HLA-DQA2: variants seen among roughly 807,000 people sequenced by gnomAD.
HLA-DQA2 encodes major histocompatibility complex, class II, DQ alpha 2.
In HLA-DQA2, 17 loss-of-function variants were observed where a neutral mutation model predicts 21.0. That is an observed-to-expected ratio of 0.81 (90% CI 0.56 to 1.22). The LOEUF is 1.22. Ranked by LOEUF, HLA-DQA2 falls within the 50% of genes most tolerant of loss-of-function variation. The pLI, the probability that HLA-DQA2 is intolerant of heterozygous loss-of-function variation, is 0.00. For missense variants in HLA-DQA2, 239 were observed against 308.8 expected (o/e 0.77, Z 1.69); for synonymous variants, 81 against 116.5 (o/e 0.70, Z 1.96).
intron 4 of HLA-DQA2, 42 bp from the exon 5 acceptor site, chr6:32,746,540 A>T: frequency 9.4e-7 from 1 of 1,066,746 alleles, no homozygotes; most frequent in Non-Finnish European, 1.4e-6. Context: ...ATCACACAGG[A>T]GGCCCCTCAG....
At chr6:32,743,078 G>A (rs9276423) in intron 1 of HLA-DQA2, among the ~76,000 whole-genome samples, 82,120 of 149,098 alleles carry the variant, frequency 0.55, 23,232 homozygotes, top group East Asian at 0.7. Flanking sequence ...TGTTAGCCAG[G>A]ATGGTCTCGA....
chr6:32,742,905 G>A (rs1562183204), intron 1 of HLA-DQA2, among the ~76,000 whole-genome samples: 1 of 142,450 alleles, frequency 7.0e-6, no homozygotes, highest in African/African-American at 2.6e-5. Flanking sequence ...TCGCTCTGTC[G>A]CCCAGGCTGG....
At chr6:32,742,128 A>C (rs1466867684) in intron 1 of HLA-DQA2, among the ~76,000 whole-genome samples, 1 of 152,100 alleles carries the variant, frequency 6.6e-6, no homozygotes, top group Admixed American at 6.5e-5. Flanking sequence ...CATATATGTC[A>C]CCTCGCTTAT....
chr6:32,742,369 T>C (rs1287444459), intron 1 of HLA-DQA2, among the ~76,000 whole-genome samples: 1 of 133,996 alleles, frequency 7.5e-6, no homozygotes, highest in Non-Finnish European at 1.6e-5. Context: ...AATGAAGTCT[T>C]ATAAAGAGAA....
chr6:32,742,175 A>G (rs1763254409), intron 1 of HLA-DQA2, among the ~76,000 whole-genome samples: 1 of 152,254 alleles, frequency 6.6e-6, no homozygotes, highest in African/African-American at 2.4e-5. Context: ...TGCTTTATGA[A>G]TAGTAAAAAC....
In HLA-DQA2 at chr6:32,746,570, G is replaced by A. The variant is rs1460041614; in HGVS notation, c.*21-12G>A. On this transcript the variant is annotated splice_polypyrimidine_tract_variant and intron_variant, in intron 4 of 4. Transcript: ENST00000374940. ...CCTCAGACCCATCGATCTCATGTCT[G>A]TCCTGTTGCAGGTGCATCACCATCT... 1.2e-6 allele frequency: 1 copy of A among 825,786 alleles called. No homozygotes were observed. The highest frequency in any genetic ancestry group is 1.7e-5 in the African/African-American group (1 of 59,736). The allele number at this position is 825,786 out of a possible 1,614,324, so 51.2% of individuals were successfully genotyped here. A position where few individuals can be genotyped will look rare whatever the true frequency, so the allele number is the denominator to read the frequency against.
intron 1 of HLA-DQA2, 74 bp downstream of exon 1, chr6:32,741,599 G>A (rs1236300699): frequency 3.4e-5 from 46 of 1,359,924 alleles, no homozygotes; most frequent in Non-Finnish European, 4.8e-5. Context: ...AGTGTAATTT[G>A]CTAAGAAATA....
At chr6:32,741,647 T>C (rs1018356089) in intron 1 of HLA-DQA2, 122 bp downstream of exon 1, 10 of 850,290 alleles carry the variant, frequency 1.2e-5, no homozygotes, top group African/African-American at 1.8e-5. Context: ...TATTAAGAAA[T>C]TTTAAAATTA....
intron 1 of HLA-DQA2, among the ~76,000 whole-genome samples, chr6:32,744,712 C>T (rs1254022173): frequency 6.6e-6 from 1 of 151,094 alleles, no homozygotes; most frequent in Non-Finnish European, 1.5e-5. Flanking sequence ...AGAAAGTGTC[C>T]TGTTCTGATC....
intron 1 of HLA-DQA2, among the ~76,000 whole-genome samples, chr6:32,743,510 G>A (rs531407930): frequency 6.6e-6 from 1 of 152,276 alleles, no homozygotes; most frequent in African/African-American, 2.4e-5. Flanking sequence ...ACAGTATGGG[G>A]CACAGGAAAG....
In HLA-DQA2 at chr6:32,746,919, A is replaced by G. The variant is rs939546411; in HGVS notation, c.*358A>G. The G allele has an allele frequency of 3.0e-6, 1 of 334,828 alleles. No homozygotes were observed. Among genetic ancestry groups the G allele is most frequent in the Non-Finnish European group, 5.9e-6 (1 of 169,690 alleles). The allele number at this position is 334,828 out of a possible 1,614,324, so 20.7% of individuals were successfully genotyped here. ...CTCTATTGAATTTTTCCCATCTTTC[A>G]TCTCAGGGCTGACTGAGAGCATAAC... On this transcript the variant is annotated 3_prime_UTR_variant, in exon 5 of 5. Coordinates refer to ENST00000374940, the MANE Select transcript of HLA-DQA2 (RefSeq NM_020056.5).
chr6:32,742,778 C>G (rs28371354), intron 1 of HLA-DQA2, among the ~76,000 whole-genome samples: 7,601 of 151,942 alleles, frequency 0.05, 243 homozygotes, highest in Admixed American at 0.075. Flanking sequence ...GTGAAGGGGA[C>G]CCTCCAAACT....
At chr6:32,745,732 T>A in intron 2 of HLA-DQA2, 59 bp from the exon 3 acceptor site, 2 of 1,607,814 alleles carry the variant, frequency 1.2e-6, no homozygotes, top group South Asian at 2.2e-5. Context: ...CAGGATGTAA[T>A]GCAGAAGCTC....
rs143598254 is a variant in HLA-DQA2, at chr6:32,745,931, G to A, written c.472G>A (p.Val158Ile). 25 of 1,613,046 alleles carry A rather than the reference G, an allele frequency of 1.5e-5. No homozygotes were observed. Among genetic ancestry groups the A allele is most frequent in the Non-Finnish European group, 1.8e-5 (21 of 1,180,052 alleles). The change falls in exon 3 of 5, where the codon GTT (valine) becomes ATT (isoleucine). Residue 158 changes from valine to isoleucine, a missense_variant. By Grantham distance (29) the Val-to-Ile change is conservative. Transcript: ENST00000374940. ...CAATGGGCACTCAGTCACAGAAGGT[G>A]TTTCTGAGACCAGCTTCCTCTCCAA... ...LSNGHSVTEG[V>I]SETSFLSKSD...
chr6:32,744,193 C>G (rs927465649), intron 1 of HLA-DQA2, among the ~76,000 whole-genome samples: 2 of 152,072 alleles, frequency 1.3e-5, no homozygotes, highest in Non-Finnish European at 2.9e-5. Context: ...TTTGGATGCT[C>G]AGTAAATGAG....
At chr6:32,744,913 G>C (rs1763455745) in intron 1 of HLA-DQA2, among the ~76,000 whole-genome samples, 1 of 152,176 alleles carries the variant, frequency 6.6e-6, no homozygotes. Flanking sequence ...TAGGCACTCA[G>C]GAAATAACAG....
chr6:32,746,539 G>T (rs142826528), intron 4 of HLA-DQA2, 43 bp from the exon 5 acceptor site: 13 of 1,096,450 alleles, frequency 1.2e-5, no homozygotes, highest in Non-Finnish European at 1.6e-5. Flanking sequence ...GATCACACAG[G>T]AGGCCCCTCA....
rs774130437 is a variant in HLA-DQA2, at chr6:32,741,449, C to T, written c.6C>T (p.Ile2=). The T allele has an allele frequency of 6.2e-7, 1 of 1,613,758 alleles. No homozygotes were observed. Among genetic ancestry groups the T allele is most frequent in the South Asian group, 1.1e-5 (1 of 90,946 alleles). Residue 2 remains isoleucine, a synonymous_variant, in exon 1 of 5, where the codon ATC becomes ATT. Transcript: ENST00000374940. ...GAGGCTGCCTTGGGAAGAAGATGAT[C>T]CTAAACAAAGCTCTGCTGCTGGGGG... is the stretch of plus-strand genomic sequence containing the variant. M[I]LNKALLLGAL...
intron 1 of HLA-DQA2, among the ~76,000 whole-genome samples, chr6:32,743,934 T>G (rs1263976750): frequency 6.6e-6 from 1 of 152,100 alleles, no homozygotes; most frequent in Non-Finnish European, 1.5e-5. Flanking sequence ...TTTTAGGATT[T>G]CTCCAGGAAA....
Sources: allele counts gnomAD v4.1 joint callset (sites outside exome capture counted in the v4.1 genomes callset), GRCh38; gene constraint gnomAD v4.1.1; transcripts MANE v1.5; gene names NCBI Gene and HGNC (gene_info 2026-07-23, HGNC 2026-07-21).